The following TMEM117 variants were observed in gnomAD, a reference collection of about 807,000 sequenced individuals.
The protein encoded by TMEM117 is transmembrane protein 117.
TMEM117 carries 27 observed loss-of-function variants against 52.4 expected under a neutral mutation model. That is an observed-to-expected ratio of 0.51 (90% CI 0.38 to 0.71). The LOEUF (loss-of-function observed/expected upper bound fraction) is 0.71. Among genes scored for constraint, TMEM117 ranks in the 30% least tolerant of loss-of-function variants. The probability of loss-of-function intolerance (pLI) is 0.00; values close to 1 mark genes in which losing one functional copy is unlikely to be tolerated. For missense variants in TMEM117, 556 were observed against 630.5 expected (o/e 0.88, Z 1.26); for synonymous variants, 215 against 206.3 (o/e 1.04, Z -0.36).
At chr12:44,215,984 C>CCTTT (rs202099319) in intron 5 of TMEM117, among the ~76,000 whole-genome samples, 5,105 of 143,614 alleles carry the variant, frequency 0.036, 159 homozygotes, top group Non-Finnish European at 0.055. Context: ...GAAAGGAGCT[C>CCTTT]CTTTCTTTCT....
At chr12:44,182,296 G>A (rs1035597170) in intron 4 of TMEM117, among the ~76,000 whole-genome samples, 3 of 152,146 alleles carry the variant, frequency 2.0e-5, no homozygotes, top group African/African-American at 7.2e-5. Flanking sequence ...CATGTCATCT[G>A]CAAACAGGGA....
chr12:44,266,713 ATTCCTATAATTTC>A (rs1304931322), intron 5 of TMEM117, among the ~76,000 whole-genome samples: 1 of 152,130 alleles, frequency 6.6e-6, no homozygotes, highest in Non-Finnish European at 1.5e-5. Flanking sequence ...ACAAAGATTT[ATTCCTATAATTTC>A]TTCATGAGTT....
At chr12:43,798,787 ATAGTGGT>A in the TMEM117 span, among the ~76,000 whole-genome samples, 61 of 152,204 alleles carry the variant, frequency 4.0e-4, 1 homozygote, top group African/African-American at 1.4e-3. Flanking sequence ...CAGCTAATGA[ATAGTGGT>A]TTCAGCCACT....
At chr12:44,054,250 T>G (rs1180255917) in intron 3 of TMEM117, among the ~76,000 whole-genome samples, 5 of 152,210 alleles carry the variant, frequency 3.3e-5, no homozygotes. Flanking sequence ...TAAATCTTTA[T>G]CGAGGATTGG....
intron 2 of TMEM117, among the ~76,000 whole-genome samples, chr12:43,933,033 G>A (rs1944896436): frequency 6.6e-6 from 1 of 152,156 alleles, no homozygotes; most frequent in Non-Finnish European, 1.5e-5. Flanking sequence ...ATGGAAATCA[G>A]CCTTCAGGGG....
At chr12:44,305,178 T>A (rs1033978791) in intron 6 of TMEM117, among the ~76,000 whole-genome samples, 1 of 152,182 alleles carries the variant, frequency 6.6e-6, no homozygotes, top group Non-Finnish European at 1.5e-5. Context: ...AGCCAGGCAG[T>A]ACTTGCCATG....
At chr12:44,289,225 TTGTGTGTG>T (rs59507806) in intron 5 of TMEM117, among the ~76,000 whole-genome samples, 10,886 of 145,982 alleles carry the variant, frequency 0.075, 1,200 homozygotes, top group African/African-American at 0.24. Context: ...CTATCCCATT[TTGTGTGTG>T]TGTGTGTGTG....
chr12:44,366,365 C>T (rs1951789422), intron 6 of TMEM117, among the ~76,000 whole-genome samples: 1 of 152,004 alleles, frequency 6.6e-6, no homozygotes, highest in Non-Finnish European at 1.5e-5. Flanking sequence ...CCATAGGTGT[C>T]CAACAAGGAA....
At position 43,844,717 on chromosome 12, in the gene TMEM117, G is replaced by A. The variant is rs755773096; in HGVS notation, c.66G>A (p.Val22=). ...PWSRMIVAYL[V]IFFNFLIFAE... is the part of the protein sequence containing the mutation. ...CTCGCATGATTGTGGCTTACTTGGT[G>A]ATCTTCTTTAACTTCTTAATATTTG... Residue 22 remains valine (V), a synonymous_variant, in exon 2 of 8, where the codon GTG becomes GTA. Coordinates refer to ENST00000266534, the MANE Select transcript of TMEM117 (RefSeq NM_032256.3). The A allele has an allele frequency of 6.2e-7, 1 of 1,614,160 alleles. No individual in the cohort carries two copies. The highest frequency in any genetic ancestry group is 1.7e-5 in the Admixed American group (1 of 60,018).
intron 3 of TMEM117, among the ~76,000 whole-genome samples, chr12:43,948,922 G>A (rs971303804): frequency 2.0e-5 from 3 of 152,194 alleles, no homozygotes; most frequent in Admixed American, 6.5e-5. Context: ...CTCAGTGGAG[G>A]TGACTTAGGC....
At chr12:43,901,703 A>T (rs1418345091) in intron 2 of TMEM117, among the ~76,000 whole-genome samples, 1 of 152,246 alleles carries the variant, frequency 6.6e-6, no homozygotes, top group Non-Finnish European at 1.5e-5. Flanking sequence ...AGAGCATCAC[A>T]GCGCTACTAA....
At chr12:44,062,608 AC>A (rs1276799818) in intron 3 of TMEM117, among the ~76,000 whole-genome samples, 1 of 152,174 alleles carries the variant, frequency 6.6e-6, no homozygotes, top group Non-Finnish European at 1.5e-5. Context: ...TGTGAGAAGG[AC>A]TTTTTTGATT....
intron 3 of TMEM117, among the ~76,000 whole-genome samples, chr12:44,130,686 A>T (rs1184102481): frequency 6.6e-6 from 1 of 152,108 alleles, no homozygotes; most frequent in Non-Finnish European, 1.5e-5. Context: ...GTTTCTAAAT[A>T]TAGATAGAAT....
intron 3 of TMEM117, among the ~76,000 whole-genome samples, chr12:44,117,340 T>C (rs1006194688): frequency 6.8e-6 from 1 of 146,654 alleles, no homozygotes; most frequent in Non-Finnish European, 1.5e-5. Context: ...ATCCATAGCA[T>C]ACTGTTTTTT....
At chr12:44,348,268 G>GAA (rs34586739) in intron 6 of TMEM117, among the ~76,000 whole-genome samples, 9 of 146,346 alleles carry the variant, frequency 6.1e-5, no homozygotes, top group African/African-American at 2.3e-4. Context: ...CTTTAAGAAT[G>GAA]AAAAAAAAAA....
At position 44,296,076 on chromosome 12, in the gene TMEM117, G is replaced by A. The variant is rs191548115; in HGVS notation, c.609-3504G>A. ...TAACTGGGTCACGAGACTTTTGCTG[G>A]TTCTTACAAGGAGCAGAGTGTATAT... On this transcript the variant is annotated intron_variant, in intron 5 of 7. Coordinates refer to ENST00000266534, the MANE Select transcript of TMEM117 (RefSeq NM_032256.3). 3.4e-3 allele frequency among the ~76,000 whole-genome samples: 516 copies of A among 152,240 alleles called. 2 individuals carry two copies. The highest frequency in any genetic ancestry group is 0.01 in the Middle Eastern group (3 of 294).
At chr12:44,145,762 AAG>A (rs1291056959) in intron 4 of TMEM117, among the ~76,000 whole-genome samples, 27 of 152,324 alleles carry the variant, frequency 1.8e-4, no homozygotes, top group African/African-American at 4.8e-4. Context: ...GCAGGAGGCT[AAG>A]ATGATATGGT....
intron 4 of TMEM117, among the ~76,000 whole-genome samples, chr12:44,143,941 T>A (rs1948606001): frequency 6.6e-6 from 1 of 152,140 alleles, no homozygotes; most frequent in Non-Finnish European, 1.5e-5. Context: ...TAATAGAAAT[T>A]CTCCCTGTGA....
At chr12:44,266,152 T>C (rs1028585740) in intron 5 of TMEM117, among the ~76,000 whole-genome samples, 3 of 152,102 alleles carry the variant, frequency 2.0e-5, no homozygotes, top group Non-Finnish European at 4.4e-5. Context: ...CCTATAACAT[T>C]TTGAAAAAAC....
Sources: gnomAD v4.1 joint callset for allele counts (sites outside exome capture counted in the v4.1 genomes callset) on GRCh38, gnomAD v4.1.1 for gene constraint, MANE v1.5 for transcripts, NCBI Gene and HGNC (gene_info 2026-07-23, HGNC 2026-07-21) for gene names.